Variants in SLC4A7 observed in about 807,000 individuals in gnomAD.
The protein encoded by SLC4A7 is sodium bicarbonate cotransporter 3.
SLC4A7 carries 51 observed loss-of-function variants against 137.6 expected under a neutral mutation model. The ratio of observed to expected loss-of-function variants is 0.37; its 90% CI spans 0.30 to 0.47. The LOEUF is 0.47. SLC4A7 is among the 20% of genes least tolerant of loss of function. SLC4A7 has a pLI of 1.00. For synonymous variants in SLC4A7, 542 were observed against 518.6 expected (o/e 1.05, Z -0.61); for missense variants, 1,247 against 1,525.4 (o/e 0.82, Z 3.04).
At chr3:27,457,202 C>G (rs2058460576) in intron 1 of SLC4A7, among the ~76,000 whole-genome samples, 1 of 152,046 alleles carries the variant, frequency 6.6e-6, no homozygotes, top group African/African-American at 2.4e-5. Flanking sequence ...GTTACCACAT[C>G]AGGATTAAAA....
intron 15 of SLC4A7, among the ~76,000 whole-genome samples, 182 bp downstream of exon 15, chr3:27,402,957 A>G (rs2052936115): frequency 6.6e-6 from 1 of 152,174 alleles, no homozygotes; most frequent in Non-Finnish European, 1.5e-5. Flanking sequence ...TTGATCAACT[A>G]TATTTTTGTT....
intron 20 of SLC4A7, among the ~76,000 whole-genome samples, chr3:27,392,461 A>G (rs1369884385): frequency 2.0e-5 from 3 of 152,170 alleles, no homozygotes; most frequent in Non-Finnish European, 2.9e-5. Flanking sequence ...GGAAAACCAC[A>G]TCTACTACAT....
chr3:27,448,853 T>C (rs1226986758), intron 2 of SLC4A7, 56 bp from the exon 3 acceptor site: 18 of 1,319,244 alleles, frequency 1.4e-5, no homozygotes, highest in East Asian at 2.4e-5. Context: ...AAAAGTGATA[T>C]ATACAAAAGT....
rs573556160 is a variant in SLC4A7, at chr3:27,426,219, A to G, written c.1151-2067T>C. On this transcript the variant is annotated intron_variant, in intron 7 of 25. Coordinates refer to ENST00000454389, the MANE Select transcript of SLC4A7 (RefSeq NM_001321103.2). ...ATCTTAATTTGCAATCTATTTAGCC[A>G]TGTGCTCACTTTCTGGAAAAGTTAA... Among the ~76,000 whole-genome samples the G allele has an allele frequency of 7.2e-5, 11 of 152,342 alleles. No individual in the cohort carries two copies. The East Asian group carries it at 1.2e-3, about 16-fold the overall frequency.
chr3:27,427,698 A>T (rs182750112), intron 7 of SLC4A7, among the ~76,000 whole-genome samples: 273 of 152,274 alleles, frequency 1.8e-3, no homozygotes, highest in Non-Finnish European at 2.3e-3. Flanking sequence ...TTAAGCACCG[A>T]AAGTAATTGA....
At chr3:27,462,820 C>CTGAT in intron 1 of SLC4A7, 1 of 152,230 alleles carries the variant, frequency 6.6e-6, no homozygotes, top group Admixed American at 6.6e-5. Flanking sequence ...AGATGCTTAA[C>CTGAT]TATTTAATAA....
rs140940751 is a variant in SLC4A7 at position 27,434,055 on chromosome 3, T to A, written c.639A>T (p.Ile213=). 1.9e-6 allele frequency: 3 copies of A among 1,613,596 alleles called. No homozygotes were observed. Among genetic ancestry groups the A allele is most frequent in the Non-Finnish European group, 2.5e-6 (3 of 1,179,828 alleles). Reference sequence around the variant, plus strand: ...GAAGAGCTTCTCTGACATTCTCTCGTATGGACTCGTCTAATTGGCCAGAAG... The same window carrying A: ...GAAGAGCTTCTCTGACATTCTCTCGAATGGACTCGTCTAATTGGCCAGAAG... The part of the protein sequence containing the change: ...MIASGQLDES[I]RENVREALLK... The change falls in exon 6 of 26, where the codon ATA becomes ATT. Residue 213 remains isoleucine, a synonymous_variant. Coordinates refer to ENST00000454389, the MANE Select transcript of SLC4A7 (RefSeq NM_001321103.2).
chr3:27,471,795 A>C (rs1241528438), intron 1 of SLC4A7, among the ~76,000 whole-genome samples: 1 of 152,216 alleles, frequency 6.6e-6, no homozygotes, highest in African/African-American at 2.4e-5. Context: ...ACTAAAGCAA[A>C]AGCTTTAACA....
chr3:27,436,315 CA>C, intron 5 of SLC4A7, 72 bp downstream of exon 5: 2 of 1,132,432 alleles, frequency 1.8e-6, no homozygotes, highest in Non-Finnish European at 2.6e-6. Context: ...AGAAGCTCAG[CA>C]TATAGTTGTT....
intron 3 of SLC4A7, among the ~76,000 whole-genome samples, chr3:27,445,386 CCTGGAAA>C (rs1412969747): frequency 6.6e-6 from 1 of 152,072 alleles, no homozygotes; most frequent in Admixed American, 6.6e-5. Flanking sequence ...TGTGCTGTGG[CCTGGAAA>C]CTGTCTCTGG....
chr3:27,463,988 C>T (rs1346948129), intron 1 of SLC4A7, among the ~76,000 whole-genome samples: 1 of 152,106 alleles, frequency 6.6e-6, no homozygotes, highest in East Asian at 1.9e-4. Flanking sequence ...GGTTTGAGAC[C>T]ATCCTGGGCA....
chr3:27,474,182 C>G (rs2059372472), intron 1 of SLC4A7, among the ~76,000 whole-genome samples: 1 of 152,068 alleles, frequency 6.6e-6, no homozygotes, highest in African/African-American at 2.4e-5. Context: ...CAACAAGAAT[C>G]AGAAAGCAGT....
intron 6 of SLC4A7, chr3:27,433,075 C>CA (rs1263421255): frequency 6.6e-6 from 1 of 152,152 alleles, no homozygotes; most frequent in Non-Finnish European, 1.5e-5. Context: ...TAGACCCTAT[C>CA]ACCTATGCTT....
chr3:27,412,763 T>C (rs1025599561), intron 11 of SLC4A7, among the ~76,000 whole-genome samples: 2 of 152,166 alleles, frequency 1.3e-5, no homozygotes, highest in Non-Finnish European at 2.9e-5. Context: ...TTTAATTGAA[T>C]TGATTAAAAA....
Position 27,484,084 on chromosome 3 carries a change from T to C in SLC4A7, c.43A>G (p.Thr15Ala). The C allele has an allele frequency of 7.1e-7, 1 of 1,408,772 alleles. No individual in the cohort carries two copies. 87.3% of individuals were successfully genotyped at this position (1,408,772 alleles called of 1,614,324 possible). A position where few individuals can be genotyped will look rare whatever the true frequency, so the allele number is the denominator to read the frequency against. Residue 15 changes from threonine (T) to alanine (A), a missense_variant, in exon 1 of 26, where the codon ACC (threonine) becomes GCC (alanine). By Grantham distance (58) the Thr-to-Ala change is moderately conservative (BLOSUM62 0). Coordinates refer to ENST00000454389, the MANE Select transcript of SLC4A7 (RefSeq NM_001321103.2). ...GAGEQMRPLL[T>A]RVTSRGPDEE... ...GCCCTCACCCTGCTCGTTACCCGGG[T>C]GAGTAGCGGTCTCATCTGCTCGCCG...
intron 23 of SLC4A7, among the ~76,000 whole-genome samples, 162 bp downstream of exon 23, chr3:27,385,730 A>G (rs1339509547): frequency 1.3e-5 from 2 of 152,142 alleles, no homozygotes; most frequent in African/African-American, 2.4e-5. Flanking sequence ...CTGCTTCCTC[A>G]TTTATAAAAT....
chr3:27,380,080 G>T (rs112910420), intron 24 of SLC4A7, among the ~76,000 whole-genome samples: 1 of 152,084 alleles, frequency 6.6e-6, no homozygotes. Context: ...AGGCCAAGGC[G>T]GGCGGATCAC....
At chr3:27,474,340 A>C (rs2059378962) in intron 1 of SLC4A7, among the ~76,000 whole-genome samples, 1 of 152,228 alleles carries the variant, frequency 6.6e-6, no homozygotes, top group Admixed American at 6.5e-5. Context: ...ACAGTTAAAC[A>C]CAAGGTAAGT....
intron 6 of SLC4A7, 127 bp downstream of exon 6, chr3:27,433,789 G>C: frequency 1.4e-6 from 1 of 728,958 alleles, no homozygotes; most frequent in South Asian, 1.8e-5. Context: ...AAACAAAGCA[G>C]GAAGGAGAAG....
Sources: allele counts gnomAD v4.1 joint callset (sites outside exome capture counted in the v4.1 genomes callset), GRCh38; gene constraint gnomAD v4.1.1; transcripts MANE v1.5; gene names NCBI Gene and HGNC (gene_info 2026-07-23, HGNC 2026-07-21).